Variants in CCDC171 observed in about 807,000 individuals in gnomAD.
The protein encoded by CCDC171 is coiled-coil domain-containing protein 171.
A neutral mutation model predicts 168.2 loss-of-function variants in CCDC171; 177 were observed. The ratio of observed to expected loss-of-function variants is 1.05; its 90% CI spans 0.93 to 1.19. The LOEUF is 1.19. CCDC171 is among the 50% of genes most tolerant of loss of function. The probability of loss-of-function intolerance (pLI) is 0.00; values close to 1 mark genes in which losing one functional copy is unlikely to be tolerated. For missense variants in CCDC171, 1,991 were observed against 1,539.0 expected (o/e 1.29, Z -4.91); for synonymous variants, 687 against 540.8 (o/e 1.27, Z -3.75).
At chr9:15,869,561 G>C (rs1217985487) in intron 23 of CCDC171, among the ~76,000 whole-genome samples, 1 of 150,594 alleles carries the variant, frequency 6.6e-6, no homozygotes, top group Non-Finnish European at 1.5e-5. Context: ...GTATTACAGA[G>C]TATATGGTTA....
At chr9:15,910,172 GCACACACACACACACA>G (rs60923477) in intron 24 of CCDC171, among the ~76,000 whole-genome samples, 1 of 150,808 alleles carries the variant, frequency 6.6e-6, no homozygotes, top group Non-Finnish European at 1.5e-5. Flanking sequence ...GTATATATGT[GCACACACACACACACA>G]CACACACACA....
At chr9:15,800,196 T>C (rs2058752462) in intron 21 of CCDC171, among the ~76,000 whole-genome samples, 1 of 152,116 alleles carries the variant, frequency 6.6e-6, no homozygotes, top group South Asian at 2.1e-4. Flanking sequence ...CTCCAAACTG[T>C]TCTCCATAGT....
intron 16 of CCDC171, among the ~76,000 whole-genome samples, chr9:15,731,640 T>A (rs985922537): frequency 1.6e-4 from 25 of 152,114 alleles, no homozygotes; most frequent in African/African-American, 2.4e-4. Flanking sequence ...TTTTAAATAT[T>A]GTAAGTAAAA....
chr9:15,755,960 A>C (rs551023441), intron 18 of CCDC171, among the ~76,000 whole-genome samples: 61 of 152,346 alleles, frequency 4.0e-4, no homozygotes, highest in Non-Finnish European at 4.4e-5. Context: ...ATGTTTAATT[A>C]TATCTCTAGA....
chr9:15,754,417 G>A (rs2055963802), intron 18 of CCDC171, among the ~76,000 whole-genome samples: 1 of 152,006 alleles, frequency 6.6e-6, no homozygotes, highest in South Asian at 2.1e-4. Flanking sequence ...AATACTTTTT[G>A]AGCATTGTGT....
At chr9:15,812,149 G>C (rs2059383534) in intron 21 of CCDC171, among the ~76,000 whole-genome samples, 1 of 152,150 alleles carries the variant, frequency 6.6e-6, no homozygotes, top group Non-Finnish European at 1.5e-5. Context: ...GGACGAGAGA[G>C]AGTCTAGAAA....
chr9:15,733,410 T>G (rs2054276517), intron 16 of CCDC171, among the ~76,000 whole-genome samples: 1 of 152,050 alleles, frequency 6.6e-6, no homozygotes, highest in Non-Finnish European at 1.5e-5. Context: ...AGTTTTAGGT[T>G]TTACATCTAG....
At chr9:16,028,098 CA>C (rs1833307178) in intron 6 of CCDC171, among the ~76,000 whole-genome samples, 1 of 152,106 alleles carries the variant, frequency 6.6e-6, no homozygotes, top group Admixed American at 6.6e-5. Context: ...CCAGCATAAG[CA>C]AAGGCAGGAG....
intron 20 of CCDC171, among the ~76,000 whole-genome samples, chr9:15,780,183 A>T (rs115147717): frequency 0.012 from 1,871 of 152,322 alleles, 38 homozygotes; most frequent in African/African-American, 0.043. Flanking sequence ...AAGAGTTCCT[A>T]TGAATTAGGC....
Position 15,571,691 on chromosome 9 carries a change from A to G in CCDC171, c.109A>G (p.Asn37Asp). ...TGAAACAGAGTTGGATATTACTGAT[A>G]ATCTCAGGAAGAAACTCCATTGGGC... is the stretch of plus-strand genomic sequence containing the variant. ...KNETELDITDNLRKKLHWAKK... is the reference protein window; with the variant it reads ...KNETELDITDDLRKKLHWAKK... The change falls in exon 3 of 26, where the codon AAT becomes GAT. Residue 37 changes from asparagine to aspartate, a missense_variant. Asn to Asp is a conservative substitution (Grantham distance 23). Coordinates refer to ENST00000380701, the MANE Select transcript of CCDC171 (RefSeq NM_173550.4). 1 of 1,583,820 alleles carries G rather than the reference A, an allele frequency of 6.3e-7. No homozygotes were observed. Among genetic ancestry groups the G allele is most frequent in the Non-Finnish European group, 8.5e-7 (1 of 1,170,084 alleles).
intron 6 of CCDC171, 96 bp downstream of exon 6, chr9:15,594,268 A>G: frequency 1.4e-6 from 1 of 708,630 alleles, no homozygotes; most frequent in Non-Finnish European, 2.2e-6. Flanking sequence ...TCAAAGGGAA[A>G]ATAATTTCTA....
chr9:15,975,257 C>T (rs1053333924), downstream of CCDC171, among the ~76,000 whole-genome samples: 1 of 152,040 alleles, frequency 6.6e-6, no homozygotes, highest in Admixed American at 6.6e-5. Flanking sequence ...TTTTGGCTAC[C>T]AAAGATCATA....
intron 21 of CCDC171, among the ~76,000 whole-genome samples, chr9:15,829,153 A>T (rs1318605272): frequency 2.0e-5 from 3 of 152,230 alleles, no homozygotes; most frequent in Admixed American, 1.3e-4. Flanking sequence ...TTAGAAAATT[A>T]ATGCTCAGGG....
intron 21 of CCDC171, among the ~76,000 whole-genome samples, chr9:15,800,869 T>C (rs2058789241): frequency 6.6e-6 from 1 of 152,116 alleles, no homozygotes; most frequent in South Asian, 2.1e-4. Context: ...TTGAAGAAAC[T>C]ATCTTTTCCC....
chr9:15,571,437 T>C (rs894739937), intron 2 of CCDC171, among the ~76,000 whole-genome samples, 187 bp from the exon 3 acceptor site: 1 of 152,178 alleles, frequency 6.6e-6, no homozygotes, highest in Non-Finnish European at 1.5e-5. Flanking sequence ...TATCTATATA[T>C]ATATACTACT....
intron 7 of CCDC171, among the ~76,000 whole-genome samples, chr9:15,646,048 C>G (rs1433170940): frequency 3.3e-5 from 5 of 152,182 alleles, no homozygotes; most frequent in African/African-American, 1.2e-4. Flanking sequence ...CAGTGGATCT[C>G]TCAGCAGAAA....
chr9:15,740,515 A>G (rs1287856387), intron 16 of CCDC171, among the ~76,000 whole-genome samples: 2 of 151,440 alleles, frequency 1.3e-5, no homozygotes, highest in African/African-American at 2.4e-5. Context: ...GGTTGCTGCA[A>G]CCTCTGCTTT....
intron 24 of CCDC171, among the ~76,000 whole-genome samples, chr9:15,898,165 G>A (rs1589040413): frequency 6.6e-6 from 1 of 152,190 alleles, no homozygotes; most frequent in African/African-American, 2.4e-5. Context: ...CCTGGAACAT[G>A]GGAACTACAG....
At chr9:15,797,465 C>T (rs183879162) in intron 21 of CCDC171, among the ~76,000 whole-genome samples, 117 of 152,276 alleles carry the variant, frequency 7.7e-4, no homozygotes, top group African/African-American at 2.6e-3. Context: ...ATCCACCTGC[C>T]TCAGCCTCCC....
Sources: allele counts gnomAD v4.1 joint callset (sites outside exome capture counted in the v4.1 genomes callset), GRCh38; gene constraint gnomAD v4.1.1; transcripts MANE v1.5; gene names NCBI Gene and HGNC (gene_info 2026-07-23, HGNC 2026-07-21).